CNTN4: variants seen among roughly 807,000 people sequenced by gnomAD.
The protein encoded by CNTN4 is contactin-4.
A neutral mutation model predicts 122.5 loss-of-function variants in CNTN4; 77 were observed. That is an observed-to-expected ratio of 0.63 (90% CI 0.52 to 0.76). CNTN4 has a LOEUF of 0.76. Ranked by LOEUF, CNTN4 falls within the 30% of genes least tolerant of loss-of-function variation. The probability of loss-of-function intolerance (pLI) is 0.00; values close to 1 mark genes in which losing one functional copy is unlikely to be tolerated. For synonymous variants in CNTN4, 512 were observed against 447.0 expected, an observed-to-expected ratio of 1.15 and a Z score of -1.83; for missense variants, 1,256 against 1,259.1, an observed-to-expected ratio of 1.00 and a Z score of 0.04.
chr3:2,648,511 A>C (rs549751777), intron 4 of CNTN4, among the ~76,000 whole-genome samples: 120 of 152,240 alleles, frequency 7.9e-4, no homozygotes, highest in African/African-American at 2.5e-3. Flanking sequence ...TGACCATTGT[A>C]ACTGTTTTGG....
At chr3:2,454,041 A>T (rs1575666178) in intron 3 of CNTN4, among the ~76,000 whole-genome samples, 1 of 149,112 alleles carries the variant, frequency 6.7e-6, no homozygotes, top group Non-Finnish European at 1.5e-5. Context: ...GACAGGGTAG[A>T]TATAATCAGC....
chr3:2,490,646 C>T (rs7651861), intron 3 of CNTN4, among the ~76,000 whole-genome samples: 48,894 of 152,006 alleles, frequency 0.32, 9,303 homozygotes, highest in Admixed American at 0.44. Context: ...TGGAAAATAG[C>T]TTGAACACTG....
At chr3:2,328,550 A>G (rs571195716) in intron 2 of CNTN4, among the ~76,000 whole-genome samples, 3 of 152,356 alleles carry the variant, frequency 2.0e-5, no homozygotes, top group Admixed American at 1.3e-4. Flanking sequence ...GGCTTTAGCC[A>G]TGAACATTGA....
intron 4 of CNTN4, among the ~76,000 whole-genome samples, chr3:2,606,612 T>G (rs1181173640): frequency 6.6e-6 from 1 of 152,218 alleles, no homozygotes; most frequent in East Asian, 1.9e-4. Context: ...GCTTTTCTTA[T>G]CTGAACACAA....
intron 11 of CNTN4, among the ~76,000 whole-genome samples, chr3:2,901,729 C>G (rs1290039303): frequency 7.9e-5 from 12 of 152,124 alleles, no homozygotes. Flanking sequence ...GTGCTTTAGT[C>G]AAAGAGAATG....
rs1033718845 is a variant in CNTN4, at chr3:2,529,995, C to T, written c.-88-41421C>T. Among the ~76,000 whole-genome samples the T allele has an allele frequency of 3.3e-5, 5 of 152,222 alleles. No individual in the cohort carries two copies. In the East Asian group the frequency reaches 7.7e-4, roughly 24 times the overall value. On this transcript the variant is annotated intron_variant, in intron 3 of 24. Transcript: ENST00000418658. Reference sequence around the variant, plus strand: ...CAATGAAAATAAAAAAGTGAAAATGCTGTGCTTTTTAGATTTCCCTCATGT... The same window carrying T: ...CAATGAAAATAAAAAAGTGAAAATGTTGTGCTTTTTAGATTTCCCTCATGT...
intron 2 of CNTN4, among the ~76,000 whole-genome samples, chr3:2,204,302 C>G (rs535498086): frequency 6.6e-6 from 1 of 152,244 alleles, no homozygotes; most frequent in Non-Finnish European, 1.5e-5. Context: ...CATTCAATAC[C>G]TTCAACTCTT....
chr3:2,844,782 G>A (rs187048399), intron 7 of CNTN4, among the ~76,000 whole-genome samples: 1 of 152,296 alleles, frequency 6.6e-6, no homozygotes, highest in East Asian at 1.9e-4. Context: ...AGCAGAATAT[G>A]GCTTATTTTA....
At chr3:2,226,639 A>T (rs1190989449) in intron 2 of CNTN4, among the ~76,000 whole-genome samples, 4 of 152,176 alleles carry the variant, frequency 2.6e-5, no homozygotes, top group Non-Finnish European at 4.4e-5. Flanking sequence ...CCTTCATCAT[A>T]GGCAAATATT....
In CNTN4 at chr3:2,928,156, T is replaced by C. The variant is rs566116608; in HGVS notation, c.1358+2377T>C. Among the ~76,000 whole-genome samples the C allele has an allele frequency of 1.8e-4, 27 of 152,342 alleles. 4 individuals are homozygous for C. The highest frequency in any genetic ancestry group is 6.5e-4 in the African/African-American group (27 of 41,576). ...GAAACTAGAAATCTAGACTTTTGTT[T>C]GAGCTTCCATTTTTTAAATGTCAGC... On this transcript the variant is annotated intron_variant, in intron 13 of 24. Coordinates refer to ENST00000418658, the MANE Select transcript of CNTN4 (RefSeq NM_175607.3).
At chr3:2,473,107 T>G (rs899832613) in intron 3 of CNTN4, among the ~76,000 whole-genome samples, 3 of 151,930 alleles carry the variant, frequency 2.0e-5, no homozygotes, top group Non-Finnish European at 2.9e-5. Flanking sequence ...GGTGGACACC[T>G]GTAATCCCAG....
intron 10 of CNTN4, among the ~76,000 whole-genome samples, chr3:2,890,370 T>C (rs778455525): frequency 3.3e-5 from 5 of 152,170 alleles, no homozygotes; most frequent in African/African-American, 4.8e-5. Flanking sequence ...AAAATCACCA[T>C]GTAGATGATA....
intron 3 of CNTN4, among the ~76,000 whole-genome samples, chr3:2,405,160 T>G (rs181657764): frequency 1.3e-5 from 2 of 152,186 alleles, no homozygotes; most frequent in African/African-American, 4.8e-5. Flanking sequence ...TCATCCAGTT[T>G]CAGAGCAGGG....
At chr3:2,273,952 A>T (rs1054147212) in intron 2 of CNTN4, among the ~76,000 whole-genome samples, 15 of 152,274 alleles carry the variant, frequency 9.9e-5, no homozygotes, top group Admixed American at 2.0e-4. Flanking sequence ...TATTTTATAT[A>T]AACATAGAAA....
At chr3:2,764,725 C>T (rs1182515805) in intron 6 of CNTN4, among the ~76,000 whole-genome samples, 2 of 152,180 alleles carry the variant, frequency 1.3e-5, no homozygotes, top group South Asian at 2.1e-4. Flanking sequence ...GTTCACACAT[C>T]GTCAACCATC....
chr3:2,411,993 T>G (rs2151039339), intron 3 of CNTN4, among the ~76,000 whole-genome samples: 1 of 152,320 alleles, frequency 6.6e-6, no homozygotes, highest in South Asian at 2.1e-4. Flanking sequence ...TCTTCTATCC[T>G]GAGGTAATTT....
At chr3:2,765,754 C>A (rs746134027) in intron 6 of CNTN4, among the ~76,000 whole-genome samples, 6 of 152,128 alleles carry the variant, frequency 3.9e-5, no homozygotes, top group Non-Finnish European at 8.8e-5. Flanking sequence ...GCAAGTGCCA[C>A]CTGGAGAAAC....
At chr3:2,558,266 C>T (rs187257040) in intron 3 of CNTN4, among the ~76,000 whole-genome samples, 1 of 152,250 alleles carries the variant, frequency 6.6e-6, no homozygotes, top group East Asian at 1.9e-4. Flanking sequence ...GTTAACTAAA[C>T]AACAGACCTT....
At chr3:2,521,489 G>T (rs1056352989) in intron 3 of CNTN4, among the ~76,000 whole-genome samples, 25 of 151,974 alleles carry the variant, frequency 1.6e-4, no homozygotes, top group Admixed American at 1.2e-3. Context: ...CTAGGACATG[G>T]TTTTAAGTAG....
Sources: allele counts gnomAD v4.1 joint callset (sites outside exome capture counted in the v4.1 genomes callset), GRCh38; gene constraint gnomAD v4.1.1; transcripts MANE v1.5; gene names NCBI Gene and HGNC (gene_info 2026-07-23, HGNC 2026-07-21).